Variants in STK3 observed in about 807,000 individuals in gnomAD.
STK3 encodes the protein serine/threonine kinase 3.
Under a neutral mutation model 58.0 loss-of-function variants are expected in STK3, and 41 were observed. The ratio of observed to expected loss-of-function variants is 0.71; its 90% CI spans 0.55 to 0.92. The LOEUF is 0.92. Ranked by LOEUF, STK3 falls within the 40% of genes least tolerant of loss-of-function variation. The pLI is 0.00. For missense variants in STK3, 479 were observed against 602.7 expected (o/e 0.79, Z 2.15); for synonymous variants, 170 against 191.0 (o/e 0.89, Z 0.91).
At chr8:98,367,137 C>T (rs1441214624), downstream of STK3, among the ~76,000 whole-genome samples, 1 of 152,244 alleles carries the variant, frequency 6.6e-6, no homozygotes, top group East Asian at 1.9e-4. Flanking sequence ...TCATCCCTCC[C>T]TCTCAGGGTT....
intron 4 of STK3, among the ~76,000 whole-genome samples, chr8:98,713,431 A>C (rs1478695960): frequency 2.6e-5 from 4 of 152,218 alleles, no homozygotes; most frequent in Non-Finnish European, 5.9e-5. Flanking sequence ...CAATAAAAAA[A>C]TGATAAAGGT....
chr8:98,575,718 C>T (rs1271325515), intron 8 of STK3, among the ~76,000 whole-genome samples: 4 of 151,672 alleles, frequency 2.6e-5, no homozygotes, highest in Admixed American at 6.6e-5. Context: ...GCGATCCACC[C>T]GTCTCAGCCT....
In STK3 at chr8:98,801,584, C is replaced by T. The variant is rs1342923475; in HGVS notation, c.26+23931G>A. Among the ~76,000 whole-genome samples the T allele has an allele frequency of 3.3e-5, 5 of 152,064 alleles. No homozygotes were observed. The East Asian group carries it at 9.6e-4, about 29-fold the overall frequency. ...ACTGCTTTAAGAGCTGTAACAGTCA[C>T]CGCAACGGTCTGTAGCTTCACTCCT... On this transcript the variant is annotated intron_variant, in intron 1 of 10. Transcript: ENST00000419617.
At chr8:98,518,398 C>A (rs568623971) in intron 10 of STK3, among the ~76,000 whole-genome samples, 10 of 152,144 alleles carry the variant, frequency 6.6e-5, no homozygotes, top group African/African-American at 2.2e-4. Context: ...GAAAGTGAAA[C>A]GCTCATTCTA....
intron 1 of STK3, among the ~76,000 whole-genome samples, chr8:98,916,345 C>G (rs907915603): frequency 1.3e-5 from 2 of 152,120 alleles, no homozygotes; most frequent in Admixed American, 1.3e-4. Flanking sequence ...ACCCAGGACG[C>G]GGAGGTTGCA....
At chr8:98,735,264 A>G (rs1828493276) in intron 4 of STK3, among the ~76,000 whole-genome samples, 4 of 152,148 alleles carry the variant, frequency 2.6e-5, no homozygotes, top group African/African-American at 4.8e-5. Context: ...GGCACTTGGA[A>G]TATTTCAAGA....
intron 1 of STK3, among the ~76,000 whole-genome samples, chr8:98,787,368 A>C (rs1444229188): frequency 3.3e-5 from 5 of 151,740 alleles, no homozygotes; most frequent in African/African-American, 1.2e-4. Flanking sequence ...GAATTAACCC[A>C]ATCCAACAAA....
At chr8:98,709,505 A>G (rs1448256428) in intron 4 of STK3, among the ~76,000 whole-genome samples, 1 of 152,226 alleles carries the variant, frequency 6.6e-6, no homozygotes, top group South Asian at 2.1e-4. Flanking sequence ...CAAAACAACT[A>G]AGACCAATAT....
intron 1 of STK3, among the ~76,000 whole-genome samples, chr8:98,387,911 T>G (rs965524637): frequency 1.4e-5 from 2 of 147,600 alleles, no homozygotes; most frequent in African/African-American, 2.6e-5. Flanking sequence ...AGCAGGAATA[T>G]TCAAGGTAAG....
chr8:98,801,189 C>G (rs1288997769), intron 1 of STK3, among the ~76,000 whole-genome samples: 1 of 152,134 alleles, frequency 6.6e-6, no homozygotes, highest in East Asian at 1.9e-4. Context: ...TGTAAATACA[C>G]CAATTAGCAC....
At chr8:98,604,852 C>A (rs1816649472) in intron 6 of STK3, among the ~76,000 whole-genome samples, 1 of 152,190 alleles carries the variant, frequency 6.6e-6, no homozygotes, top group African/African-American at 2.4e-5. Context: ...TTAGAAGCAG[C>A]CAGGTCACCT....
intron 3 of STK3, among the ~76,000 whole-genome samples, chr8:98,416,102 A>G (rs935558762): frequency 6.6e-6 from 1 of 152,178 alleles, no homozygotes; most frequent in African/African-American, 2.4e-5. Context: ...GGGCCATTCA[A>G]TGCTCTGGCC....
intron 10 of STK3, among the ~76,000 whole-genome samples, chr8:98,492,265 C>CA (rs1039050305): frequency 6.6e-6 from 1 of 152,158 alleles, no homozygotes; most frequent in African/African-American, 2.4e-5. Context: ...AAAAACAAAG[C>CA]AAGCAGTAAT....
intron 3 of STK3, among the ~76,000 whole-genome samples, chr8:98,763,260 C>T (rs937943372): frequency 6.6e-6 from 1 of 152,138 alleles, no homozygotes; most frequent in African/African-American, 2.4e-5. Flanking sequence ...TAAATGTATA[C>T]TCTGTACCTG....
intron 6 of STK3, among the ~76,000 whole-genome samples, chr8:98,636,072 A>G (rs1819596801): frequency 6.6e-6 from 1 of 152,248 alleles, no homozygotes; most frequent in Non-Finnish European, 1.5e-5. Flanking sequence ...CCTCTAAAAT[A>G]GTAAAAAACA....
intron 9 of STK3, among the ~76,000 whole-genome samples, chr8:98,546,660 C>T (rs537447196): frequency 3.3e-5 from 5 of 152,244 alleles, no homozygotes; most frequent in South Asian, 4.1e-4. Flanking sequence ...TAAGACCATC[C>T]TCTGCAGTGG....
chr8:98,649,339 A>G (rs1820686092), intron 6 of STK3, among the ~76,000 whole-genome samples: 3 of 152,198 alleles, frequency 2.0e-5, no homozygotes, highest in South Asian at 4.1e-4. Context: ...TAAGTTACAA[A>G]AAAAATCATT....
At chr8:98,802,945 A>G (rs990295225) in intron 1 of STK3, among the ~76,000 whole-genome samples, 2 of 152,202 alleles carry the variant, frequency 1.3e-5, no homozygotes, top group Non-Finnish European at 2.9e-5. Context: ...ATACTGACAG[A>G]CTTTGTTTCA....
At chr8:98,447,148 G>T (rs1375553366) in intron 1 of STK3, among the ~76,000 whole-genome samples, 2 of 152,044 alleles carry the variant, frequency 1.3e-5, no homozygotes, top group African/African-American at 2.4e-5. Flanking sequence ...ACTAGGCTTA[G>T]TACCTGAATG....
Sources: allele counts gnomAD v4.1 joint callset (sites outside exome capture counted in the v4.1 genomes callset), GRCh38; gene constraint gnomAD v4.1.1; transcripts MANE v1.5; gene names NCBI Gene and HGNC (gene_info 2026-07-23, HGNC 2026-07-21).